The following MAP2K5 variants were observed in gnomAD, a reference collection of about 807,000 sequenced individuals.
The protein encoded by MAP2K5 is mitogen-activated protein kinase kinase 5.
Under a neutral mutation model 83.1 loss-of-function variants are expected in MAP2K5, and 49 were observed. That is an observed-to-expected ratio of 0.59 (90% CI 0.47 to 0.75). MAP2K5 has a LOEUF of 0.75. Ranked by LOEUF, MAP2K5 falls within the 30% of genes least tolerant of loss-of-function variation. MAP2K5 has a pLI of 0.00. For synonymous variants in MAP2K5, 202 were observed against 191.8 expected, an observed-to-expected ratio of 1.05 and a Z score of -0.44; for missense variants, 457 against 557.5, an observed-to-expected ratio of 0.82 and a Z score of 1.82.
rs1300520388 is a variant in MAP2K5, at chr15:67,768,869, C to T, written c.1135-733C>T. Reference sequence around the variant, plus strand: ...AATTCTTAAAGCCTTCCTTTGCAAACGGTAATGGGGTTTGCTCTTTGTATT... The same window carrying T: ...AATTCTTAAAGCCTTCCTTTGCAAATGGTAATGGGGTTTGCTCTTTGTATT... On this transcript the variant is annotated intron_variant, in intron 19 of 21. Transcript: ENST00000178640. The surrounding 1 kb of genome is among the most constrained non-coding windows in gnomAD (Gnocchi z 4.0). 3.3e-5 allele frequency among the ~76,000 whole-genome samples: 5 copies of T among 152,168 alleles called. No homozygotes were observed. The highest frequency in any genetic ancestry group is 2.1e-4 in the South Asian group (1 of 4,828).
intron 8 of MAP2K5, among the ~76,000 whole-genome samples, chr15:67,610,438 C>A (rs2085893119): frequency 1.3e-5 from 2 of 152,088 alleles, no homozygotes; most frequent in African/African-American, 4.8e-5. Flanking sequence ...TTTTTTATAG[C>A]TATTTTACAG....
At chr15:67,725,758 T>C (rs1405993428) in intron 16 of MAP2K5, among the ~76,000 whole-genome samples, 1 of 152,220 alleles carries the variant, frequency 6.6e-6, no homozygotes, top group African/African-American at 2.4e-5. Context: ...GTTAAGACAC[T>C]GCAGACTGTT....
At chr15:67,754,166 A>G (rs1251001310) in intron 19 of MAP2K5, among the ~76,000 whole-genome samples, 1 of 152,250 alleles carries the variant, frequency 6.6e-6, no homozygotes, top group African/African-American at 2.4e-5. Flanking sequence ...AATGACTGTC[A>G]CAGGTACAAG....
chr15:67,750,809 A>T lies in MAP2K5; in HGVS notation c.1134+2208A>T, dbSNP rs16951225. Among the ~76,000 whole-genome samples, 2,532 of 152,006 alleles carry T rather than the reference A, an allele frequency of 0.017. 65 individuals are homozygous for T. Among genetic ancestry groups the T allele is most frequent in the African/African-American group, 0.058 (2,416 of 41,456 alleles). ...TTGTGAATGAATATGCCCAGTTGGG[A>T]TTTGAGCCGTTTTACTGCTTGGGAG... On this transcript the variant is annotated intron_variant, in intron 19 of 21. Transcript: ENST00000178640. This position sits in a 1 kb window ranked among gnomAD's most constrained non-coding sequence, Gnocchi z 4.2.
intron 17 of MAP2K5, among the ~76,000 whole-genome samples, chr15:67,741,980 T>A (rs1041096736): frequency 6.6e-6 from 1 of 151,914 alleles, no homozygotes; most frequent in African/African-American, 2.4e-5. Context: ...CTGCAAACTC[T>A]GCCTCCCAGG....
At chr15:67,743,341 C>T (rs996814313) in intron 17 of MAP2K5, among the ~76,000 whole-genome samples, 9 of 152,050 alleles carry the variant, frequency 5.9e-5, no homozygotes, top group African/African-American at 2.2e-4. Flanking sequence ...ACTAATAGAC[C>T]CACAGACATG....
intron 7 of MAP2K5, among the ~76,000 whole-genome samples, chr15:67,596,480 A>G (rs1257628207): frequency 2.0e-5 from 3 of 152,228 alleles, no homozygotes; most frequent in South Asian, 4.1e-4. Flanking sequence ...GGGAATATAT[A>G]TCTACTGTAA....
chr15:67,805,499 G>T (rs2090785477), intron 21 of MAP2K5, among the ~76,000 whole-genome samples: 1 of 152,240 alleles, frequency 6.6e-6, no homozygotes, highest in South Asian at 2.1e-4. Flanking sequence ...CTCTAGGGCT[G>T]CAGTCAAGGC....
In MAP2K5 at chr15:67,644,924, G is replaced by A. The variant is rs189891336; in HGVS notation, c.586-1307G>A. Among the ~76,000 whole-genome samples the A allele has an allele frequency of 1.6e-3, 243 of 151,916 alleles. 2 individuals carry two copies. Among genetic ancestry groups the A allele is most frequent in the African/African-American group, 5.4e-3 (225 of 41,410 alleles). On this transcript the variant is annotated intron_variant, in intron 9 of 21. Coordinates refer to ENST00000178640, the MANE Select transcript of MAP2K5 (RefSeq NM_145160.3). The surrounding 1 kb of genome is among the most constrained non-coding windows in gnomAD (Gnocchi z 4.6). ...AGAACTTTGGGAGGCTGAGGTGAGC[G>A]GATCATTGAGGTCAGGAGTTCAAGA... is the stretch of plus-strand genomic sequence containing the variant.
rs1567281114 is a variant in MAP2K5, at chr15:67,572,553, TAGG to T, written c.253-8196_253-8194del. Reference sequence around the variant, plus strand: ...CCATAGAGTAGGACGTTCCCGAAAGTAGGAGGATGAATGTGCCCACCCTACGTA... The same window carrying T: ...CCATAGAGTAGGACGTTCCCGAAAGTAGGATGAATGTGCCCACCCTACGTA... On this transcript the variant is annotated intron_variant, in intron 3 of 21. Transcript: ENST00000178640. This position sits in a 1 kb window ranked among gnomAD's most constrained non-coding sequence, Gnocchi z 4.2. Among the ~76,000 whole-genome samples, 1 of 152,116 alleles carries T rather than the reference TAGG, an allele frequency of 6.6e-6. No homozygotes were observed. Among genetic ancestry groups the T allele is most frequent in the African/African-American group, 2.4e-5 (1 of 41,422 alleles).
chr15:67,568,927 A>AC (rs748740286), intron 3 of MAP2K5, among the ~76,000 whole-genome samples: 2 of 146,950 alleles, frequency 1.4e-5, no homozygotes, highest in African/African-American at 2.5e-5. Context: ...AATTGCTTGA[A>AC]CCCGGGAGGC....
intron 13 of MAP2K5, among the ~76,000 whole-genome samples, chr15:67,671,054 C>A (rs964399565): frequency 6.6e-6 from 1 of 152,194 alleles, no homozygotes; most frequent in African/African-American, 2.4e-5. Flanking sequence ...CTGGGTGACC[C>A]CAGAAAGGCA....
rs1456072750 is a variant in MAP2K5 at position 67,587,086 on chromosome 15, A to C, written c.431+173A>C. Among the ~76,000 whole-genome samples the C allele has an allele frequency of 6.6e-6, 1 of 152,206 alleles. No individual in the cohort carries two copies. ...ATGTTTAGATTTAGACTGGGTGCTGAGAAGGCTCTCTGGGGAGAGTGACGT... is the reference window on the plus strand; with the variant it reads ...ATGTTTAGATTTAGACTGGGTGCTGCGAAGGCTCTCTGGGGAGAGTGACGT... On this transcript the variant is annotated intron_variant, in intron 6 of 21. Transcript: ENST00000178640. This position sits in a 1 kb window ranked among gnomAD's most constrained non-coding sequence, Gnocchi z 4.8.
In MAP2K5 at chr15:67,794,334, A is replaced by G. The variant is rs938903294; in HGVS notation, c.1243-12312A>G. On this transcript the variant is annotated intron_variant, in intron 21 of 21. Transcript: ENST00000178640. This position sits in a 1 kb window ranked among gnomAD's most constrained non-coding sequence, Gnocchi z 4.6. ...TTGCTCAAGGCTAAGAGTGAGTTCTATTGATGATTTTTATTTGCTGCTGGG... is the reference window on the plus strand; with the variant it reads ...TTGCTCAAGGCTAAGAGTGAGTTCTGTTGATGATTTTTATTTGCTGCTGGG... Among the ~76,000 whole-genome samples the G allele has an allele frequency of 3.9e-5, 6 of 152,212 alleles. No individual in the cohort carries two copies. The highest frequency in any genetic ancestry group is 7.3e-5 in the Non-Finnish European group (5 of 68,032).
In MAP2K5 at chr15:67,558,495, C is replaced by T. The variant is rs139621390; in HGVS notation, c.185-4788C>T. On this transcript the variant is annotated intron_variant, in intron 2 of 21. Transcript: ENST00000178640. ...TTTCCACATGGCAGCCAGAGTGATT[C>T]TTTTAGAAGTCAGGTGACACCACCA... 3.4e-3 allele frequency among the ~76,000 whole-genome samples: 521 copies of T among 152,306 alleles called. 3 individuals are homozygous for T. Among genetic ancestry groups the T allele is most frequent in the Non-Finnish European group, 5.2e-3 (351 of 68,028 alleles).
chr15:67,544,130 G>A (rs2084348530), intron 1 of MAP2K5, among the ~76,000 whole-genome samples: 1 of 152,174 alleles, frequency 6.6e-6, no homozygotes, highest in African/African-American at 2.4e-5. Context: ...GAACTCCTGC[G>A]ATTTGCTTGC....
In MAP2K5 at chr15:67,748,563, T is replaced by C; in HGVS notation, c.1102-6T>C. ...ATACTTTTTCCTCTCTTCTTTTCCA[T>C]TGCAGCCTCTCCAGCTTCTGCAGTG... On this transcript the variant is annotated splice_region_variant and splice_polypyrimidine_tract_variant and intron_variant, in intron 18 of 21. Coordinates refer to ENST00000178640, the MANE Select transcript of MAP2K5 (RefSeq NM_145160.3). This position sits in a 1 kb window ranked among gnomAD's most constrained non-coding sequence, Gnocchi z 4.0. 4 of 1,613,952 alleles carry C rather than the reference T, an allele frequency of 2.5e-6. No homozygotes were observed. Among genetic ancestry groups the C allele is most frequent in the Non-Finnish European group, 8.5e-7 (1 of 1,179,834 alleles).
chr15:67,640,490 G>A lies in MAP2K5; in HGVS notation c.586-5741G>A. ...CTTGAACCTCCCAGTGACCTCAGCTGTGAAACGGGGCTGCCTGATGTCACA... is the reference window on the plus strand; with the variant it reads ...CTTGAACCTCCCAGTGACCTCAGCTATGAAACGGGGCTGCCTGATGTCACA... On this transcript the variant is annotated intron_variant, in intron 9 of 21. Transcript: ENST00000178640. The surrounding 1 kb of genome is among the most constrained non-coding windows in gnomAD (Gnocchi z 4.6). 4.3e-6 allele frequency: 3 copies of A among 693,052 alleles called. No homozygotes were observed. Among genetic ancestry groups the A allele is most frequent in the Non-Finnish European group, 3.6e-6 (2 of 562,942 alleles). 42.9% of individuals were successfully genotyped at this position (693,052 alleles called of 1,614,324 possible).
At chr15:67,582,729 G>A (rs2085206783) in intron 4 of MAP2K5, among the ~76,000 whole-genome samples, 1 of 152,020 alleles carries the variant, frequency 6.6e-6, no homozygotes, top group Non-Finnish European at 1.5e-5. Context: ...GCTGAGGTGG[G>A]AGGATGGCTT....
Sources: allele counts gnomAD v4.1 joint callset (sites outside exome capture counted in the v4.1 genomes callset), GRCh38; gene constraint gnomAD v4.1.1; non-coding constraint Gnocchi (gnomAD v3.1); transcripts MANE v1.5; gene names NCBI Gene and HGNC (gene_info 2026-07-23, HGNC 2026-07-21).